DHODH: variants seen among roughly 807,000 people sequenced by gnomAD.
DHODH encodes the protein dihydroorotate dehydrogenase (quinone).
A neutral mutation model predicts 39.7 loss-of-function variants in DHODH; 30 were observed. The observed-to-expected ratio is 0.76, with a 90% confidence interval of 0.57 to 1.02. The LOEUF is 1.02. DHODH is among the 50% of genes least tolerant of loss of function. The pLI, the probability that DHODH is intolerant of heterozygous loss-of-function variation, is 0.00. For missense variants in DHODH, 531 were observed against 520.8 expected, an observed-to-expected ratio of 1.02 and a Z score of -0.19; for synonymous variants, 222 against 213.8, an observed-to-expected ratio of 1.04 and a Z score of -0.34.
chr16:72,022,985 T>C (rs1190644824), intron 6 of DHODH, among the ~76,000 whole-genome samples, 180 bp from the exon 7 acceptor site: 5 of 152,210 alleles, frequency 3.3e-5, no homozygotes, highest in East Asian at 1.9e-4. Context: ...GCTGTCGTCA[T>C]GTTATGGCTC....
chr16:72,022,848 C>T (rs993620679), intron 6 of DHODH, among the ~76,000 whole-genome samples: 2 of 152,164 alleles, frequency 1.3e-5, no homozygotes, highest in Admixed American at 6.5e-5. Context: ...GCCCGGCCAT[C>T]GTGGGTTCAA....
Position 72,024,196 on chromosome 16 carries a change from G to A in DHODH, c.1185G>A (p.Arg395=), listed in dbSNP as rs1439170453. The change falls in exon 9 of 9, where the codon AGG becomes AGA. Residue 395 remains arginine (R), a synonymous_variant. Transcript: ENST00000219240. ...VTDAIGADHR[R] ...ATGCCATTGGAGCAGATCATCGGAG[G>A]TGAGGACAGCGTCTGACGGGAAGCC... 4.3e-6 allele frequency: 7 copies of A among 1,614,222 alleles called. No homozygotes were observed. Among genetic ancestry groups the A allele is most frequent in the Non-Finnish European group, 5.9e-6 (7 of 1,180,044 alleles).
At chr16:72,020,719 C>G (rs76575311) in intron 4 of DHODH, among the ~76,000 whole-genome samples, 1 of 152,060 alleles carries the variant, frequency 6.6e-6, no homozygotes, top group African/African-American at 2.4e-5. Flanking sequence ...TCCAGTCAAC[C>G]GAGCCAAGGC....
intron 1 of DHODH, 140 bp from the exon 2 acceptor site, chr16:72,011,910 A>T: frequency 1.5e-6 from 1 of 663,030 alleles, no homozygotes; most frequent in Non-Finnish European, 2.7e-6. Flanking sequence ...CTGACTGTAG[A>T]GACCAGTGTC....
At chr16:72,014,014 A>T (rs913584025) in intron 2 of DHODH, among the ~76,000 whole-genome samples, 4 of 152,062 alleles carry the variant, frequency 2.6e-5, no homozygotes, top group Non-Finnish European at 5.9e-5. Flanking sequence ...ACACAGCTGG[A>T]GCTGATGTTT....
intron 6 of DHODH, among the ~76,000 whole-genome samples, chr16:72,022,735 G>C (rs2144001329): frequency 6.6e-6 from 1 of 152,268 alleles, no homozygotes; most frequent in African/African-American, 2.4e-5. Context: ...TTGGCTCCTT[G>C]GCCAGTCTTG....
intron 4 of DHODH, among the ~76,000 whole-genome samples, chr16:72,020,719 C>T (rs76575311): frequency 0.037 from 5,570 of 152,154 alleles, 306 homozygotes; most frequent in African/African-American, 0.13. Flanking sequence ...TCCAGTCAAC[C>T]GAGCCAAGGC....
At chr16:72,019,642 G>A (rs1435131236) in intron 4 of DHODH, among the ~76,000 whole-genome samples, 1 of 152,158 alleles carries the variant, frequency 6.6e-6, no homozygotes, top group Non-Finnish European at 1.5e-5. Context: ...TGACCTAATT[G>A]CTTACATGTA....
At chr16:72,017,770 C>CTTTTTTTTTT (rs71153696) in intron 4 of DHODH, among the ~76,000 whole-genome samples, 2,944 of 103,646 alleles carry the variant, frequency 0.028, 556 homozygotes, top group African/African-American at 0.12. Context: ...AAACAACATG[C>CTTTTTTTTTT]TTTTTTTTTT....
At chr16:72,008,825 G>A (rs1267987374) in intron 1 of DHODH, 40 bp downstream of exon 1, 1 of 1,552,386 alleles carries the variant, frequency 6.4e-7, no homozygotes, top group Non-Finnish European at 8.7e-7. Flanking sequence ...GGGGACCAGG[G>A]ACCGGGGAGG....
At chr16:72,023,795 G>A (rs968886629) in intron 8 of DHODH, among the ~76,000 whole-genome samples, 162 bp downstream of exon 8, 1 of 152,220 alleles carries the variant, frequency 6.6e-6, no homozygotes, top group Non-Finnish European at 1.5e-5. Context: ...TTTTGATGAA[G>A]GACAAACAAT....
Position 72,022,375 on chromosome 16 carries a change from G to A in DHODH, c.719G>A (p.Arg240Lys). ...RRLLTKVLQE[R>K]DGLRRVHRPA... is the part of the protein sequence containing the mutation. ...GTGTCGCCCTAGGTGCTGCAGGAGA[G>A]GGATGGCTTGCGGAGAGTGCACAGG... Residue 240 changes from arginine (R) to lysine (K), a missense_variant, in exon 6 of 9, where the codon AGG (arginine) becomes AAG (lysine). Transcript: ENST00000219240. 6.4e-7 allele frequency: 1 copy of A among 1,553,972 alleles called. No individual in the cohort carries two copies. Among genetic ancestry groups the A allele is most frequent in the Non-Finnish European group, 8.7e-7 (1 of 1,148,388 alleles).
At position 72,023,375 on chromosome 16, in the gene DHODH, G is replaced by A. The variant is rs116283341; in HGVS notation, c.973+57G>A. 709 of 1,613,920 alleles carry A rather than the reference G, an allele frequency of 4.4e-4. 3 individuals carry two copies. In the African/African-American group the frequency reaches 6.4e-3, roughly 15 times the overall value. ...TGCGTGTGGCTTGGGCTCCTGGGTC[G>A]TGATGGGAATCATCATTCCCTAATC... On this transcript the variant is annotated intron_variant, in intron 7 of 8. Transcript: ENST00000219240.
rs369556950 is a variant in DHODH, at chr16:72,021,261, G to C, written c.655G>C (p.Gly219Arg). ...VVNVSSPNTA[G>R]LRSLQGKAEL... Reference sequence around the variant, plus strand: ...GAATGTGTCCAGCCCCAACACTGCCGGGCTGCGGAGCCTTCAGGGAAAGGC... The same window carrying C: ...GAATGTGTCCAGCCCCAACACTGCCCGGCTGCGGAGCCTTCAGGGAAAGGC... The change falls in exon 5 of 9, where the codon GGG (glycine) becomes CGG (arginine). Residue 219 changes from glycine (G) to arginine (R), a missense_variant. Transcript: ENST00000219240. 2 of 1,612,514 alleles carry C rather than the reference G, an allele frequency of 1.2e-6. No individual in the cohort carries two copies. Among genetic ancestry groups the C allele is most frequent in the East Asian group, 2.2e-5 (1 of 44,820 alleles).
rs149884125 is a variant in DHODH, at chr16:72,015,882, T to A, written c.435-1142T>A. The A allele has an allele frequency of 2.0e-5, 20 of 985,014 alleles. 1 individual carries two copies. In the African/African-American group the frequency reaches 2.8e-4, roughly 14 times the overall value. 61.0% of individuals were successfully genotyped at this position (985,014 alleles called of 1,614,324 possible). On this transcript the variant is annotated intron_variant, in intron 3 of 8. Coordinates refer to ENST00000219240, the MANE Select transcript of DHODH (RefSeq NM_001361.5). Reference sequence around the variant, plus strand: ...TGGTAAGTGTGTAGTAAACACTTAATGAATGGGTGAAGTTATGAAGTCATC... The same window carrying A: ...TGGTAAGTGTGTAGTAAACACTTAAAGAATGGGTGAAGTTATGAAGTCATC...
intron 3 of DHODH, among the ~76,000 whole-genome samples, chr16:72,015,033 G>A (rs542216878): frequency 1.3e-5 from 2 of 152,276 alleles, no homozygotes; most frequent in South Asian, 4.1e-4. Flanking sequence ...CTGTCCAGGA[G>A]AAATGTAATG....
intron 1 of DHODH, 200 bp downstream of exon 1, chr16:72,008,985 C>T: frequency 6.8e-7 from 1 of 1,473,584 alleles, no homozygotes; most frequent in South Asian, 1.4e-5. Flanking sequence ...CGTGTGCAGA[C>T]AGCGCCTGCA....
chr16:72,016,011 C>A, intron 3 of DHODH: 2 of 406,548 alleles, frequency 4.9e-6, no homozygotes, highest in Non-Finnish European at 6.6e-6. Context: ...ATAACAGGTG[C>A]AATGGGCAGG....
chr16:72,013,263 C>T (rs765669195), intron 2 of DHODH, among the ~76,000 whole-genome samples: 10 of 152,142 alleles, frequency 6.6e-5, no homozygotes, highest in Admixed American at 6.5e-5. Flanking sequence ...AAGAGCACTC[C>T]GTTAAGGTGT....
Sources: gnomAD v4.1 joint callset for allele counts (sites outside exome capture counted in the v4.1 genomes callset) on GRCh38, gnomAD v4.1.1 for gene constraint, MANE v1.5 for transcripts, NCBI Gene and HGNC (gene_info 2026-07-23, HGNC 2026-07-21) for gene names.